BTG4: variants seen among roughly 807,000 people sequenced by gnomAD.
BTG4 encodes protein BTG4.
Under a neutral mutation model 19.3 loss-of-function variants are expected in BTG4, and 10 were observed. That is an observed-to-expected ratio of 0.52 (90% confidence interval 0.32 to 0.88). The LOEUF (loss-of-function observed/expected upper bound fraction) is 0.88. Among genes scored for constraint, BTG4 ranks in the 40% least tolerant of loss-of-function variants. BTG4 has a pLI of 0.04. For missense variants in BTG4, 238 were observed against 281.9 expected, an observed-to-expected ratio of 0.84 and a Z score of 1.11; for synonymous variants, 91 against 95.7, an observed-to-expected ratio of 0.95 and a Z score of 0.29.
chr11:111,475,799 T>C (rs1031632792), intron 5 of BTG4, among the ~76,000 whole-genome samples: 3 of 152,144 alleles, frequency 2.0e-5, no homozygotes, highest in Admixed American at 6.6e-5. Flanking sequence ...GGGTAATTTA[T>C]AAAGGAAAGA....
At chr11:111,506,308 G>A (rs557519289) in intron 1 of BTG4, among the ~76,000 whole-genome samples, 17 of 152,176 alleles carry the variant, frequency 1.1e-4, no homozygotes, top group Non-Finnish European at 2.4e-4. Context: ...CATAAAAGAA[G>A]AATGAAATCA....
the BTG4 span, chr11:111,455,055 G>A: frequency 4.4e-6 from 2 of 455,756 alleles, no homozygotes; most frequent in Non-Finnish European, 8.8e-6. Context: ...CCGCTAACCG[G>A]CTTCTGAGGA....
downstream of BTG4, chr11:111,467,438 T>C (rs952092888): frequency 1.1e-5 from 5 of 471,978 alleles, no homozygotes; most frequent in African/African-American, 8.1e-5. Flanking sequence ...CCTGTTGCAA[T>C]TTAAATTAAT....
At chr11:111,460,626 G>A in the BTG4 span, among the ~76,000 whole-genome samples, 1 of 152,196 alleles carries the variant, frequency 6.6e-6, no homozygotes, top group African/African-American at 2.4e-5. Context: ...ACGCAGCAGA[G>A]AGACAGCAGA....
exon 6 of BTG4, chr11:111,467,637 C>T: frequency 5.2e-6 from 4 of 764,202 alleles, no homozygotes; most frequent in Non-Finnish European, 9.7e-6. Context: ...GTGCCTTCTT[C>T]TACCAGGTGC....
At chr11:111,510,069 G>A (rs913461472) in intron 1 of BTG4, among the ~76,000 whole-genome samples, 3 of 151,358 alleles carry the variant, frequency 2.0e-5, no homozygotes, top group African/African-American at 7.3e-5. Context: ...GCACCACCAC[G>A]CCCAGCTGAT....
the BTG4 span, among the ~76,000 whole-genome samples, chr11:111,432,651 TAAAG>T: frequency 0.27 from 40,726 of 151,566 alleles, 5,505 homozygotes; most frequent in Admixed American, 0.33. Context: ...CTCAAAAAAA[TAAAG>T]AAAGAAAATA....
chr11:111,385,599 A>G, the BTG4 span: 1 of 152,030 alleles, frequency 6.6e-6, no homozygotes, highest in Non-Finnish European at 1.5e-5. Context: ...AATATGTAAG[A>G]TTTATCCCAG....
the BTG4 span, among the ~76,000 whole-genome samples, chr11:111,440,449 C>A: frequency 6.6e-6 from 1 of 152,242 alleles, no homozygotes. Flanking sequence ...GTCTAAATAA[C>A]CTATCCTTGC....
chr11:111,401,896 G>C, the BTG4 span, among the ~76,000 whole-genome samples: 1 of 152,026 alleles, frequency 6.6e-6, no homozygotes, highest in Non-Finnish European at 1.5e-5. Flanking sequence ...TATTATTCTG[G>C]GCTTGTACAA....
the BTG4 span, among the ~76,000 whole-genome samples, chr11:111,441,115 CT>C: frequency 0.57 from 82,194 of 144,350 alleles, 23,731 homozygotes; most frequent in East Asian, 0.74. Flanking sequence ...GCTCTCTTTT[CT>C]TTTTTTTTTT....
At chr11:111,506,399 G>T (rs1307088672) in intron 1 of BTG4, among the ~76,000 whole-genome samples, 1 of 152,024 alleles carries the variant, frequency 6.6e-6, no homozygotes, top group Non-Finnish European at 1.5e-5. Flanking sequence ...AAAATATTAC[G>T]TATTCTCACT....
chr11:111,390,619 C>T, the BTG4 span, among the ~76,000 whole-genome samples: 1 of 152,192 alleles, frequency 6.6e-6, no homozygotes, highest in Non-Finnish European at 1.5e-5. Context: ...AAAGTAAGAA[C>T]TGAGCTCAGG....
intron 4 of BTG4, chr11:111,496,901 A>AAT (rs397818213): frequency 2.8e-6 from 1 of 353,146 alleles, no homozygotes; most frequent in African/African-American, 2.1e-5. Flanking sequence ...AGAAAAAAAA[A>AAT]TCCCACTAAT....
intron 5 of BTG4, among the ~76,000 whole-genome samples, chr11:111,482,359 A>G (rs914351044): frequency 2.6e-5 from 4 of 152,244 alleles, no homozygotes; most frequent in African/African-American, 9.6e-5. Flanking sequence ...AATACTCAAC[A>G]TAGTAGAGAC....
the BTG4 span, among the ~76,000 whole-genome samples, chr11:111,441,354 C>A: frequency 6.6e-6 from 1 of 152,022 alleles, no homozygotes; most frequent in Non-Finnish European, 1.5e-5. Flanking sequence ...AAGAGAGAAG[C>A]AAACTAGAGC....
At chr11:111,512,966 CT>C (rs897516946), upstream of BTG4, 7 of 470,124 alleles carry the variant, frequency 1.5e-5, no homozygotes, top group African/African-American at 1.2e-4. Flanking sequence ...GTGTCATTAG[CT>C]GATTGTACTG....
the BTG4 span, among the ~76,000 whole-genome samples, chr11:111,389,941 A>G: frequency 6.6e-6 from 1 of 151,234 alleles, no homozygotes; most frequent in African/African-American, 2.5e-5. Flanking sequence ...AGACTTCTGG[A>G]GCACTGATCA....
the BTG4 span, among the ~76,000 whole-genome samples, chr11:111,394,002 C>T: frequency 6.6e-4 from 100 of 152,308 alleles, no homozygotes; most frequent in Middle Eastern, 0.01. Flanking sequence ...ATCACCTGTA[C>T]GATACAGATA....
Sources: gnomAD v4.1 joint callset for allele counts (sites outside exome capture counted in the v4.1 genomes callset) on GRCh38, gnomAD v4.1.1 for gene constraint, MANE v1.5 for transcripts, NCBI Gene and HGNC (gene_info 2026-07-23, HGNC 2026-07-21) for gene names.